PTBP3: variants seen among roughly 807,000 people sequenced by gnomAD.
PTBP3 encodes the protein polypyrimidine tract binding protein 3, also known as polypyrimidine tract-binding protein 3.
Under a neutral mutation model 58.7 loss-of-function variants are expected in PTBP3, and 20 were observed. That is an observed-to-expected ratio of 0.34 (90% CI 0.24 to 0.50). The LOEUF is 0.50. Among genes scored for constraint, PTBP3 ranks in the 20% least tolerant of loss-of-function variants. PTBP3 has a pLI of 0.98. For missense variants in PTBP3, 509 were observed against 637.2 expected (o/e 0.80, Z 2.17); for synonymous variants, 185 against 219.8 (o/e 0.84, Z 1.40).
rs1834806560 is a variant in PTBP3 at position 112,221,548 on chromosome 9, A to G, written c.*2303T>C. The G allele has an allele frequency of 7.1e-6, 7 of 985,388 alleles. No individual in the cohort carries two copies. The highest frequency in any genetic ancestry group is 6.0e-6 in the Non-Finnish European group (5 of 829,818). 61.0% of individuals were successfully genotyped at this position (985,388 alleles called of 1,614,324 possible). ...TTATAATAGTGCCTGTGTGGAAGGG[A>G]AAAAAAAGCAAGTTTTGGGAGATTT... On this transcript the variant is annotated 3_prime_UTR_variant, in exon 14 of 14. Transcript: ENST00000374257.
chr9:112,375,279 C>T, the PTBP3 span, among the ~76,000 whole-genome samples: 1 of 152,194 alleles, frequency 6.6e-6, no homozygotes, highest in Admixed American at 6.5e-5. Context: ...CTTCCAAGTC[C>T]CTGACCATCC....
chr9:112,228,591 C>A (rs1835082200), intron 10 of PTBP3, 119 bp from the exon 11 acceptor site: 1 of 613,732 alleles, frequency 1.6e-6, no homozygotes, highest in Non-Finnish European at 2.7e-6. Flanking sequence ...CATACATACA[C>A]CTGCAAATTT....
intron 1 of PTBP3, among the ~76,000 whole-genome samples, chr9:112,303,048 C>G (rs1829020749): frequency 6.6e-6 from 1 of 152,112 alleles, no homozygotes; most frequent in Admixed American, 6.5e-5. Context: ...TGAAATTATT[C>G]CACTGGTTAC....
intron 3 of PTBP3, 73 bp from the exon 4 acceptor site, chr9:112,268,268 T>A: frequency 6.7e-7 from 1 of 1,500,620 alleles, no homozygotes; most frequent in Non-Finnish European, 8.9e-7. Context: ...TTTGCCATTC[T>A]AGCTTGCTCT....
the PTBP3 span, among the ~76,000 whole-genome samples, chr9:112,377,437 A>C: frequency 4.6e-5 from 7 of 152,204 alleles, no homozygotes; most frequent in Non-Finnish European, 1.0e-4. Flanking sequence ...CAGGGAAGCC[A>C]CCTACAATGC....
rs542927437 is a variant in PTBP3, at chr9:112,241,899, T to C, written c.803-7002A>G. Among the ~76,000 whole-genome samples, 4 of 152,348 alleles carry C rather than the reference T, an allele frequency of 2.6e-5. No homozygotes were observed. In the South Asian group the frequency reaches 6.2e-4, roughly 24 times the overall value. On this transcript the variant is annotated intron_variant, in intron 7 of 13. Transcript: ENST00000374257. ...ATAGAAATATATACAAACAGAATTA[T>C]AGAATAGGTGTTCCCTTCTGTCTGG... is the stretch of plus-strand genomic sequence containing the variant.
chr9:112,371,646 A>ATTTTTTTTTTT, the PTBP3 span, among the ~76,000 whole-genome samples: 4 of 127,544 alleles, frequency 3.1e-5, no homozygotes, highest in Non-Finnish European at 4.8e-5. Flanking sequence ...TTTTTAGTAG[A>ATTTTTTTTTTT]TTTTTTTTTT....
chr9:112,286,938 T>TG (rs1828145737), intron 2 of PTBP3, among the ~76,000 whole-genome samples: 1 of 152,218 alleles, frequency 6.6e-6, no homozygotes, highest in African/African-American at 2.4e-5. Context: ...CATTGTCTTC[T>TG]GGCTTGCACT....
At position 112,218,800 on chromosome 9, in the gene PTBP3, C is replaced by T. The variant is rs1407261550; in HGVS notation, c.*5051G>A. On this transcript the variant is annotated 3_prime_UTR_variant, in exon 14 of 14. Coordinates refer to ENST00000374257, the MANE Select transcript of PTBP3 (RefSeq NM_001163788.4). The stretch of plus-strand genomic sequence containing the variant: ...TTATAAGTTCATTTGTTCCCAAAAA[C>T]CTTTTTTTCTTTTTTGGCCTTGTTA... 1.3e-5 allele frequency: 2 copies of T among 152,484 alleles called. No individual in the cohort carries two copies. The highest frequency in any genetic ancestry group is 4.8e-5 in the African/African-American group (2 of 41,392). 9.4% of individuals were successfully genotyped at this position (152,484 alleles called of 1,614,324 possible).
the PTBP3 span, among the ~76,000 whole-genome samples, chr9:112,340,817 G>A: frequency 6.2e-3 from 936 of 151,312 alleles, 20 homozygotes; most frequent in African/African-American, 0.022. Context: ...CGGAGGTTGC[G>A]GTGAGCCGAG....
At chr9:112,247,058 G>C (rs2132056388) in intron 7 of PTBP3, among the ~76,000 whole-genome samples, 1 of 152,164 alleles carries the variant, frequency 6.6e-6, no homozygotes, top group East Asian at 1.9e-4. Flanking sequence ...GTGAGACTCT[G>C]TCTCTACAAG....
intron 1 of PTBP3, among the ~76,000 whole-genome samples, chr9:112,316,887 G>C (rs953590535): frequency 6.6e-6 from 1 of 151,810 alleles, no homozygotes; most frequent in African/African-American, 2.4e-5. Context: ...CAGGAAAATC[G>C]CTTGAACCCG....
intron 1 of PTBP3, among the ~76,000 whole-genome samples, chr9:112,321,528 G>GAA (rs34348679): frequency 0.014 from 1,935 of 143,204 alleles, 67 homozygotes; most frequent in African/African-American, 0.045. Context: ...GACGTAGTCT[G>GAA]AAAAAAAAAA....
the PTBP3 span, among the ~76,000 whole-genome samples, chr9:112,368,369 C>T: frequency 4.6e-5 from 7 of 152,136 alleles, no homozygotes; most frequent in Non-Finnish European, 8.8e-5. Flanking sequence ...CAGGGTTTCG[C>T]CATGTTGGCC....
At chr9:112,364,896 C>A in the PTBP3 span, among the ~76,000 whole-genome samples, 1 of 152,122 alleles carries the variant, frequency 6.6e-6, no homozygotes, top group African/African-American at 2.4e-5. Context: ...AACTTACTGA[C>A]CCTATCTAAC....
rs1425444370 is a variant in PTBP3 at position 112,220,876 on chromosome 9, A to G, written c.*2975T>C. ...TGATGACAATACTCCTTAAAAATAA[A>G]ATAAACTTAAAAATAGGATACTACG... On this transcript the variant is annotated 3_prime_UTR_variant, in exon 14 of 14. Coordinates refer to ENST00000374257, the MANE Select transcript of PTBP3 (RefSeq NM_001163788.4). 1.0e-6 allele frequency: 1 copy of G among 969,462 alleles called. No individual in the cohort carries two copies. Among genetic ancestry groups the G allele is most frequent in the African/African-American group, 1.8e-5 (1 of 56,878 alleles). 60.1% of individuals were successfully genotyped at this position (969,462 alleles called of 1,614,324 possible). A position where few individuals can be genotyped will look rare whatever the true frequency, so the allele number is the denominator to read the frequency against.
At chr9:112,306,602 ATATT>A (rs1292593200) in intron 1 of PTBP3, among the ~76,000 whole-genome samples, 1 of 84,990 alleles carries the variant, frequency 1.2e-5, no homozygotes, top group African/African-American at 7.4e-5. Context: ...ATATATATAT[ATATT>A]TTTGTTTGTT....
intron 2 of PTBP3, among the ~76,000 whole-genome samples, chr9:112,276,851 G>A (rs1228773981): frequency 6.6e-6 from 1 of 152,142 alleles, no homozygotes; most frequent in African/African-American, 2.4e-5. Context: ...ATGCAAGTAA[G>A]ATTCAGAAAA....
the PTBP3 span, among the ~76,000 whole-genome samples, chr9:112,360,407 T>C: frequency 2.0e-5 from 3 of 152,042 alleles, no homozygotes; most frequent in Non-Finnish European, 2.9e-5. Flanking sequence ...GCTGGTCTCA[T>C]ACTCCTGGGC....
Sources: gnomAD v4.1 joint callset for allele counts (sites outside exome capture counted in the v4.1 genomes callset) on GRCh38, gnomAD v4.1.1 for gene constraint, MANE v1.5 for transcripts, NCBI Gene and HGNC (gene_info 2026-07-23, HGNC 2026-07-21) for gene names.